The following PARD3B variants were observed in gnomAD, a reference collection of about 807,000 sequenced individuals.
The protein encoded by PARD3B is partitioning defective 3 homolog B.
In PARD3B, 103 loss-of-function variants were observed where a neutral mutation model predicts 130.2. The ratio of observed to expected loss-of-function variants is 0.79; its 90% confidence interval spans 0.67 to 0.93. The LOEUF is 0.93. Ranked by LOEUF, PARD3B falls within the 40% of genes least tolerant of loss-of-function variation. The probability of loss-of-function intolerance (pLI) is 0.00; values close to 1 mark genes in which losing one functional copy is unlikely to be tolerated. For synonymous variants in PARD3B, 583 were observed against 553.2 expected, an observed-to-expected ratio of 1.05 and a Z score of -0.76; for missense variants, 1,609 against 1,499.2, an observed-to-expected ratio of 1.07 and a Z score of -1.21.
At chr2:204,996,824 G>T (rs1329463683) in intron 3 of PARD3B, among the ~76,000 whole-genome samples, 1 of 147,408 alleles carries the variant, frequency 6.8e-6, no homozygotes, top group Non-Finnish European at 1.5e-5. Flanking sequence ...GCAATATTCG[G>T]GTGGGAGTGA....
intron 15 of PARD3B, among the ~76,000 whole-genome samples, chr2:205,227,135 G>A (rs2038597471): frequency 6.6e-6 from 1 of 151,994 alleles, no homozygotes; most frequent in East Asian, 1.9e-4. Context: ...ACGTGCTTAG[G>A]AGAAGAATGT....
intron 20 of PARD3B, among the ~76,000 whole-genome samples, chr2:205,481,307 G>A (rs1300154463): frequency 6.6e-6 from 1 of 152,182 alleles, no homozygotes; most frequent in Non-Finnish European, 1.5e-5. Context: ...CTTCACTGGA[G>A]ACTGGACTGC....
intron 10 of PARD3B, among the ~76,000 whole-genome samples, chr2:205,156,779 A>G (rs1479720419): frequency 6.6e-6 from 1 of 152,206 alleles, no homozygotes; most frequent in Non-Finnish European, 1.5e-5. Flanking sequence ...CCTCTAGTAT[A>G]TTGTTTCTGT....
intron 22 of PARD3B, among the ~76,000 whole-genome samples, chr2:205,574,382 T>C (rs1217410871): frequency 1.3e-5 from 2 of 152,216 alleles, no homozygotes; most frequent in Non-Finnish European, 2.9e-5. Context: ...GATTTCCAGG[T>C]AGATGGCCAT....
chr2:204,834,652 C>G (rs1431743690), intron 2 of PARD3B, among the ~76,000 whole-genome samples: 2 of 152,086 alleles, frequency 1.3e-5, no homozygotes, highest in African/African-American at 4.8e-5. Context: ...AATACAGTTC[C>G]ACAATGGGAG....
Position 205,488,655 on chromosome 2 carries a change from A to G in PARD3B, c.3045-11241A>G, listed in dbSNP as rs1575144379. 1.3e-5 allele frequency among the ~76,000 whole-genome samples: 2 copies of G among 152,292 alleles called. 1 individual carries two copies. Among genetic ancestry groups the G allele is most frequent in the African/African-American group, 4.8e-5 (2 of 41,560 alleles). On this transcript the variant is annotated intron_variant, in intron 20 of 22. Transcript: ENST00000406610. The stretch of plus-strand genomic sequence containing the variant: ...TATACAAGGCCATGTTGTACAAGTA[A>G]TATACATCCTTAAACGCTGAAATGA...
chr2:204,642,127 CTCTGAT>C (rs1406849805), intron 1 of PARD3B, among the ~76,000 whole-genome samples: 1 of 152,140 alleles, frequency 6.6e-6, no homozygotes, highest in African/African-American at 2.4e-5. Context: ...CCATTTGACC[CTCTGAT>C]TCTTTCTGTT....
intron 22 of PARD3B, among the ~76,000 whole-genome samples, chr2:205,580,927 A>C (rs922213778): frequency 6.6e-6 from 1 of 152,208 alleles, no homozygotes; most frequent in Non-Finnish European, 1.5e-5. Context: ...TCATAGTGAC[A>C]GTGACTTACA....
rs539439405 is a variant in PARD3B at position 205,616,828 on chromosome 2, G to A, written c.*1015G>A. ...TGCCAAGCAGTAACCATCTGCACTCGGGGACAGCGAGGAGCTGACCATGGC... is the reference window on the plus strand; with the variant it reads ...TGCCAAGCAGTAACCATCTGCACTCAGGGACAGCGAGGAGCTGACCATGGC... On this transcript the variant is annotated 3_prime_UTR_variant, in exon 23 of 23. Transcript: ENST00000406610. The A allele has an allele frequency of 2.0e-5, 3 of 153,244 alleles. No homozygotes were observed. Among genetic ancestry groups the A allele is most frequent in the East Asian group, 3.9e-4 (2 of 5,166 alleles). 9.5% of individuals were successfully genotyped at this position (153,244 alleles called of 1,614,324 possible).
chr2:205,117,739 C>T (rs1373558644), intron 6 of PARD3B, among the ~76,000 whole-genome samples: 1 of 152,174 alleles, frequency 6.6e-6, no homozygotes, highest in Non-Finnish European at 1.5e-5. Context: ...GTAGCAGACT[C>T]CTCTTGCAGG....
intron 1 of PARD3B, among the ~76,000 whole-genome samples, chr2:204,574,038 G>A (rs1028540986): frequency 6.6e-6 from 1 of 152,202 alleles, no homozygotes; most frequent in African/African-American, 2.4e-5. Context: ...CACTGTCAGA[G>A]CATCTTCCTA....
At chr2:204,575,362 C>G (rs754573022) in intron 1 of PARD3B, among the ~76,000 whole-genome samples, 1 of 152,024 alleles carries the variant, frequency 6.6e-6, no homozygotes, top group African/African-American at 2.4e-5. Context: ...TAAGCCACTC[C>G]CATGAAAACT....
intron 19 of PARD3B, among the ~76,000 whole-genome samples, chr2:205,426,032 C>G (rs1435290469): frequency 5.3e-5 from 8 of 152,000 alleles, no homozygotes; most frequent in African/African-American, 1.7e-4. Context: ...GATAAATTAT[C>G]CCATCAATCT....
At chr2:204,941,450 G>A (rs767486728) in intron 2 of PARD3B, among the ~76,000 whole-genome samples, 7 of 152,216 alleles carry the variant, frequency 4.6e-5, no homozygotes, top group Non-Finnish European at 8.8e-5. Flanking sequence ...ACCTGGCTAT[G>A]AGTGGCATAA....
chr2:205,113,551 G>C lies in PARD3B; in HGVS notation c.654G>C (p.Val218=). The C allele has an allele frequency of 6.2e-7, 1 of 1,612,682 alleles. No homozygotes were observed. Among genetic ancestry groups the C allele is most frequent in the Non-Finnish European group, 8.5e-7 (1 of 1,179,138 alleles). The part of the protein sequence containing the change: ...GEGGPLGIHV[V]PFFSSLSGRI... ...GAGGCCCATTGGGAATACATGTAGT[G>C]CCCTTCTTTTCATCTCTGAGTGGAA... Residue 218 remains valine, a synonymous_variant, in exon 6 of 23, where the codon GTG becomes GTC. Transcript: ENST00000406610.
intron 4 of PARD3B, among the ~76,000 whole-genome samples, chr2:205,093,142 G>A (rs1220581779): frequency 6.6e-6 from 1 of 152,026 alleles, no homozygotes; most frequent in African/African-American, 2.4e-5. Context: ...AATCCCCCCA[G>A]AGTCCAGCAC....
At chr2:205,250,935 A>G (rs925316536) in intron 16 of PARD3B, among the ~76,000 whole-genome samples, 33 of 152,130 alleles carry the variant, frequency 2.2e-4, no homozygotes, top group African/African-American at 8.0e-4. Flanking sequence ...TCTCAAAAAA[A>G]TAAAAAATAA....
In PARD3B at chr2:205,003,712, G is replaced by T. The variant is rs143240844; in HGVS notation, c.394+38389G>T. Among the ~76,000 whole-genome samples, 230 of 152,332 alleles carry T rather than the reference G, an allele frequency of 1.5e-3. 1 individual carries two copies. Among genetic ancestry groups the T allele is most frequent in the African/African-American group, 5.1e-3 (211 of 41,578 alleles). On this transcript the variant is annotated intron_variant, in intron 3 of 22. Coordinates refer to ENST00000406610, the MANE Select transcript of PARD3B (RefSeq NM_001302769.2). Reference sequence around the variant, plus strand: ...TCTTGCAGAGCTCAGATTTCTGTCTGTTTTTCCTCTGTTGTATCACCAGCA... The same window carrying T: ...TCTTGCAGAGCTCAGATTTCTGTCTTTTTTTCCTCTGTTGTATCACCAGCA...
intron 2 of PARD3B, among the ~76,000 whole-genome samples, chr2:204,833,801 G>A (rs140753303): frequency 5.3e-5 from 8 of 152,120 alleles, no homozygotes; most frequent in Non-Finnish European, 1.0e-4. Flanking sequence ...GTCTTTGTTA[G>A]CAGTGTGAGA....
Sources: gnomAD v4.1 joint callset for allele counts (sites outside exome capture counted in the v4.1 genomes callset) on GRCh38, gnomAD v4.1.1 for gene constraint, MANE v1.5 for transcripts, NCBI Gene and HGNC (gene_info 2026-07-23, HGNC 2026-07-21) for gene names.